Variants in ACBD5 observed in about 807,000 individuals in gnomAD.
ACBD5 encodes acyl-CoA-binding domain-containing protein 5.
In ACBD5, 40 loss-of-function variants were observed where a neutral mutation model predicts 71.8. The observed-to-expected ratio is 0.56, with a 90% CI of 0.43 to 0.72. The LOEUF (loss-of-function observed/expected upper bound fraction) is 0.72. Among genes scored for constraint, ACBD5 ranks in the 30% least tolerant of loss-of-function variants. ACBD5 has a pLI of 0.00. For synonymous variants in ACBD5, 229 were observed against 218.6 expected, an observed-to-expected ratio of 1.05 and a Z score of -0.42; for missense variants, 559 against 644.5, an observed-to-expected ratio of 0.87 and a Z score of 1.44.
intron 4 of ACBD5, among the ~76,000 whole-genome samples, chr10:27,230,793 T>A (rs2063747314): frequency 3.5e-5 from 1 of 28,620 alleles, no homozygotes. Context: ...TGAGACTCCA[T>A]CTCAAAAAAA....
intron 13 of ACBD5, chr10:27,186,839 A>G: frequency 2.8e-6 from 1 of 351,952 alleles, no homozygotes; most frequent in Non-Finnish European, 5.3e-6. Flanking sequence ...AGAGTGAGCC[A>G]CTAGCTTGAT....
At position 27,231,745 on chromosome 10, in the gene ACBD5, T is replaced by C. The variant is rs773007514; in HGVS notation, c.375+3A>G. On this transcript the variant is annotated splice_donor_region_variant and intron_variant, in intron 4 of 12. Transcript: ENST00000396271. ...CATTTTAACTGTGAATTATTTTCCC[T>C]ACCTTTTTCATTTCTTCAACATATG... 10 of 1,613,516 alleles carry C rather than the reference T, an allele frequency of 6.2e-6. No individual in the cohort carries two copies. In the African/African-American group the frequency reaches 1.3e-4, roughly 21 times the overall value.
chr10:27,196,884 T>C lies in ACBD5; in HGVS notation c.*546A>G, dbSNP rs1167908288. 8 of 453,964 alleles carry C rather than the reference T, an allele frequency of 1.8e-5. No homozygotes were observed. The highest frequency in any genetic ancestry group is 1.4e-4 in the Admixed American group (6 of 42,544). 28.1% of individuals were successfully genotyped at this position (453,964 alleles called of 1,614,324 possible). On this transcript the variant is annotated 3_prime_UTR_variant, in exon 13 of 13. Coordinates refer to ENST00000396271, the MANE Select transcript of ACBD5 (RefSeq NM_145698.5). Reference sequence around the variant, plus strand: ...AAGAGTTGTGAATGCCCAAGAAAGATTATGGGCAGCCCACAAAGTGAATAT... The same window carrying C: ...AAGAGTTGTGAATGCCCAAGAAAGACTATGGGCAGCCCACAAAGTGAATAT...
chr10:27,209,792 A>G (rs1442694447), intron 9 of ACBD5, among the ~76,000 whole-genome samples: 1 of 152,218 alleles, frequency 6.6e-6, no homozygotes, highest in Non-Finnish European at 1.5e-5. Flanking sequence ...TTTTAAAATC[A>G]TATTATGAAC....
intron 2 of ACBD5, among the ~76,000 whole-genome samples, chr10:27,239,624 C>T (rs484172): frequency 0.18 from 26,984 of 151,862 alleles, 2,936 homozygotes; most frequent in East Asian, 0.32. Context: ...GAAATTACTT[C>T]ACAATTGACT....
chr10:27,226,904 T>G (rs1040278178), intron 4 of ACBD5, among the ~76,000 whole-genome samples: 1 of 151,674 alleles, frequency 6.6e-6, no homozygotes, highest in African/African-American at 2.4e-5. Context: ...TCCACCCACC[T>G]CGGCCTCCCA....
upstream of ACBD5, chr10:27,241,973 G>C (rs920672365): frequency 1.1e-5 from 5 of 441,658 alleles, no homozygotes; most frequent in African/African-American, 1.0e-4. Flanking sequence ...TGTCAGTTAG[G>C]GGGATGGGTT....
Position 27,240,408 on chromosome 10 carries a change from T to A in ACBD5, c.92A>T (p.His31Leu). The change falls in exon 2 of 13, where the codon CAC (histidine) becomes CTC (leucine). Residue 31 changes from histidine (H) to leucine (L), a missense_variant. Physicochemically the swap from His to Leu is moderately conservative, Grantham distance 99. Transcript: ENST00000396271. The surrounding 1 kb of genome is among the most constrained non-coding windows in gnomAD (Gnocchi z 4.1). ...CGTGTCCGCCATCTCCAGCTGCCAG[T>A]GTTGGCCCCGGTCCCAAGGTCTGTC... ...PADRPWDRGQ[H>L]WQLEMADTRS... is the part of the protein sequence containing the mutation. 1.2e-6 allele frequency: 2 copies of A among 1,613,992 alleles called. No homozygotes were observed. Among genetic ancestry groups the A allele is most frequent in the Non-Finnish European group, 1.7e-6 (2 of 1,179,996 alleles).
intron 3 of ACBD5, among the ~76,000 whole-genome samples, chr10:27,232,952 T>C (rs1775352): frequency 0.72 from 109,957 of 152,046 alleles, 39,885 homozygotes; most frequent in Non-Finnish European, 0.74. Context: ...TTAATACTAC[T>C]AAAATTAAGT....
downstream of ACBD5, chr10:27,195,167 T>G (rs1308265701): frequency 1.7e-5 from 6 of 350,640 alleles, no homozygotes; most frequent in Non-Finnish European, 2.7e-5. Flanking sequence ...TCTCATTGAA[T>G]TCTTACCTAA....
intron 12 of ACBD5, among the ~76,000 whole-genome samples, chr10:27,202,100 A>G (rs1009237216): frequency 6.6e-6 from 1 of 152,080 alleles, no homozygotes; most frequent in African/African-American, 2.4e-5. Context: ...CATCTCTAAC[A>G]CAGAACCTAT....
chr10:27,190,009 G>A (rs1033857237), intron 13 of ACBD5, among the ~76,000 whole-genome samples: 1 of 152,016 alleles, frequency 6.6e-6, no homozygotes, highest in Non-Finnish European at 1.5e-5. Context: ...TTTAGGCTGG[G>A]CATGGTGGCT....
chr10:27,186,274 T>G (rs571010017), intron 13 of ACBD5: 50 of 1,152,954 alleles, frequency 4.3e-5, no homozygotes, highest in Non-Finnish European at 6.2e-5. Flanking sequence ...CATAATAAAG[T>G]AAGGTAAGTT....
intron 13 of ACBD5, among the ~76,000 whole-genome samples, chr10:27,187,836 T>C (rs751389262): frequency 6.6e-6 from 1 of 152,294 alleles, no homozygotes; most frequent in Non-Finnish European, 1.5e-5. Context: ...ATAGAAAATG[T>C]GATGCTTTAC....
chr10:27,194,266 A>C (rs1407764580), downstream of ACBD5, among the ~76,000 whole-genome samples: 1 of 151,250 alleles, frequency 6.6e-6, no homozygotes, highest in East Asian at 2.0e-4. Flanking sequence ...AAAAAAAAAA[A>C]AAAAAACCCT....
intron 9 of ACBD5, among the ~76,000 whole-genome samples, chr10:27,210,342 C>T (rs1029408001): frequency 6.6e-6 from 1 of 152,218 alleles, no homozygotes; most frequent in African/African-American, 2.4e-5. Flanking sequence ...AGTTAAACCC[C>T]AAAGAGGGCA....
chr10:27,213,199 A>C (rs1168160673), intron 8 of ACBD5, among the ~76,000 whole-genome samples: 1 of 152,196 alleles, frequency 6.6e-6, no homozygotes, highest in Non-Finnish European at 1.5e-5. Context: ...AACTGGGCAA[A>C]AGATCTGAAT....
intron 5 of ACBD5, among the ~76,000 whole-genome samples, chr10:27,222,396 T>G (rs969079284): frequency 8.9e-6 from 1 of 112,564 alleles, no homozygotes; most frequent in Non-Finnish European, 1.9e-5. Context: ...TTTGTGTACA[T>G]GAAGACAAAA....
chr10:27,233,905 G>A (rs909207063), intron 3 of ACBD5, among the ~76,000 whole-genome samples: 2 of 152,118 alleles, frequency 1.3e-5, no homozygotes, highest in Admixed American at 6.5e-5. Flanking sequence ...TTAGCTAGGC[G>A]TGGTGGCGCA....
Sources: gnomAD v4.1 joint callset for allele counts (sites outside exome capture counted in the v4.1 genomes callset) on GRCh38, gnomAD v4.1.1 for gene constraint, Gnocchi (gnomAD v3.1) non-coding constraint, MANE v1.5 for transcripts, NCBI Gene and HGNC (gene_info 2026-07-23, HGNC 2026-07-21) for gene names.